Variants in WDR70 observed in about 807,000 individuals in gnomAD.
The protein encoded by WDR70 is WD repeat domain 70, also known as WD repeat-containing protein 70.
A neutral mutation model predicts 88.6 loss-of-function variants in WDR70; 53 were observed. The ratio of observed to expected loss-of-function variants is 0.60; its 90% CI spans 0.48 to 0.75. The LOEUF (loss-of-function observed/expected upper bound fraction) is 0.75. WDR70 is among the 30% of genes least tolerant of loss of function. The probability of loss-of-function intolerance (pLI) is 0.00; values close to 1 mark genes in which losing one functional copy is unlikely to be tolerated. For synonymous variants in WDR70, 280 were observed against 270.0 expected (o/e 1.04, Z -0.36); for missense variants, 610 against 823.2 (o/e 0.74, Z 3.17).
chr5:37,658,603 C>T (rs545996649), intron 10 of WDR70, among the ~76,000 whole-genome samples: 20 of 152,246 alleles, frequency 1.3e-4, no homozygotes, highest in Admixed American at 9.8e-4. Flanking sequence ...TTAGTCACTT[C>T]CTCCTCCCAA....
intron 9 of WDR70, among the ~76,000 whole-genome samples, chr5:37,557,370 T>C (rs1218992300): frequency 6.6e-6 from 1 of 152,136 alleles, no homozygotes; most frequent in Non-Finnish European, 1.5e-5. Flanking sequence ...TTGCCAAATA[T>C]GGACTATTTA....
At chr5:37,743,885 C>T (rs1304812750) in intron 17 of WDR70, among the ~76,000 whole-genome samples, 2 of 152,208 alleles carry the variant, frequency 1.3e-5, no homozygotes, top group African/African-American at 4.8e-5. Context: ...GTGGGTTTCC[C>T]CCCAGCAAAA....
chr5:37,646,461 G>C (rs1745242771), intron 10 of WDR70, among the ~76,000 whole-genome samples: 2 of 151,974 alleles, frequency 1.3e-5, no homozygotes, highest in South Asian at 4.1e-4. Flanking sequence ...AGATGATTTT[G>C]TACCTTTTGA....
chr5:37,404,519 T>C (rs1020440915), intron 5 of WDR70, among the ~76,000 whole-genome samples: 1 of 152,236 alleles, frequency 6.6e-6, no homozygotes. Context: ...GAAGCATTAG[T>C]GTTTAATTTC....
At chr5:37,620,345 T>C (rs1561925677) in intron 10 of WDR70, among the ~76,000 whole-genome samples, 1 of 152,234 alleles carries the variant, frequency 6.6e-6, no homozygotes, top group Non-Finnish European at 1.5e-5. Context: ...GCTGCATTGA[T>C]GCTCATGGGG....
At position 37,381,624 on chromosome 5, in the gene WDR70, C is replaced by T. The variant is rs1748427218; in HGVS notation, c.114C>T (p.Asp38=). 1 of 1,611,846 alleles carries T rather than the reference C, an allele frequency of 6.2e-7. No homozygotes were observed. ...TGFGKKARTF[D]LEAMFEQTRR... Reference sequence around the variant, plus strand: ...TAGGTAAAAAAGCTCGCACATTTGACTTGGAAGCAATGTTTGAACAAACTC... The same window carrying T: ...TAGGTAAAAAAGCTCGCACATTTGATTTGGAAGCAATGTTTGAACAAACTC... Residue 38 remains aspartate (D), a synonymous_variant, in exon 3 of 18, where the codon GAC becomes GAT. Coordinates refer to ENST00000265107, the MANE Select transcript of WDR70 (RefSeq NM_018034.4).
At chr5:37,435,661 A>C (rs985253419) in intron 5 of WDR70, among the ~76,000 whole-genome samples, 2 of 152,162 alleles carry the variant, frequency 1.3e-5, no homozygotes, top group African/African-American at 4.8e-5. Flanking sequence ...CTGGGATATA[A>C]TAATTTGGTC....
At chr5:37,588,006 A>T (rs950292820) in intron 9 of WDR70, among the ~76,000 whole-genome samples, 1 of 152,086 alleles carries the variant, frequency 6.6e-6, no homozygotes, top group Non-Finnish European at 1.5e-5. Context: ...TGTTCTATTC[A>T]TCCTGGTTTC....
At chr5:37,590,677 A>C (rs1170443664) in intron 9 of WDR70, among the ~76,000 whole-genome samples, 1 of 152,178 alleles carries the variant, frequency 6.6e-6, no homozygotes, top group East Asian at 1.9e-4. Flanking sequence ...CAGAGATCAG[A>C]GTGATGTGAT....
At chr5:37,677,532 T>C (rs1390499280) in intron 10 of WDR70, among the ~76,000 whole-genome samples, 1 of 152,212 alleles carries the variant, frequency 6.6e-6, no homozygotes, top group African/African-American at 2.4e-5. Context: ...AGTTTCCATG[T>C]AGTTGAGCGG....
At chr5:37,644,629 A>G (rs7723389) in intron 10 of WDR70, among the ~76,000 whole-genome samples, 16,074 of 151,882 alleles carry the variant, frequency 0.11, 2,727 homozygotes, top group African/African-American at 0.36. Context: ...TTGCTGGGAA[A>G]CTTTATTATG....
chr5:37,589,031 G>A (rs1209941933), intron 9 of WDR70, among the ~76,000 whole-genome samples: 1 of 151,940 alleles, frequency 6.6e-6, no homozygotes, highest in Non-Finnish European at 1.5e-5. Flanking sequence ...CCAAAGTGCT[G>A]GGATTACAGG....
chr5:37,616,622 T>G (rs1744352023), intron 10 of WDR70, among the ~76,000 whole-genome samples: 1 of 152,160 alleles, frequency 6.6e-6, no homozygotes, highest in African/African-American at 2.4e-5. Flanking sequence ...TGATGCTCTG[T>G]TATGGACTAG....
chr5:37,560,546 G>A (rs1381713737), intron 9 of WDR70, among the ~76,000 whole-genome samples: 2 of 152,022 alleles, frequency 1.3e-5, no homozygotes, highest in Non-Finnish European at 2.9e-5. Flanking sequence ...ACACTTTGCT[G>A]ACCAAACATA....
chr5:37,519,726 G>A (rs989595576), intron 9 of WDR70, among the ~76,000 whole-genome samples: 6 of 152,168 alleles, frequency 3.9e-5, no homozygotes, highest in African/African-American at 1.4e-4. Context: ...CAGATGGGGC[G>A]GCTGGGCAGA....
chr5:37,607,180 G>A (rs1268098424), intron 10 of WDR70, among the ~76,000 whole-genome samples: 1 of 151,518 alleles, frequency 6.6e-6, no homozygotes, highest in African/African-American at 2.4e-5. Context: ...TGGCCTCAGG[G>A]ATCCACCCAC....
intron 5 of WDR70, among the ~76,000 whole-genome samples, chr5:37,410,241 G>A (rs998376310): frequency 5.7e-5 from 7 of 122,858 alleles, no homozygotes; most frequent in Non-Finnish European, 9.9e-5. Flanking sequence ...GTCTTCCCAT[G>A]TTGCCAAGGC....
intron 10 of WDR70, among the ~76,000 whole-genome samples, chr5:37,668,702 T>C (rs1745934687): frequency 6.6e-6 from 1 of 152,192 alleles, no homozygotes; most frequent in Non-Finnish European, 1.5e-5. Flanking sequence ...TGGTTGAGCT[T>C]TCTCCCGCAG....
chr5:37,480,849 G>A (rs1488496428), intron 8 of WDR70, among the ~76,000 whole-genome samples: 1 of 152,172 alleles, frequency 6.6e-6, no homozygotes, highest in African/African-American at 2.4e-5. Context: ...TCTGAGACAA[G>A]GCAAGTCCCT....
Sources: gnomAD v4.1 joint callset for allele counts (sites outside exome capture counted in the v4.1 genomes callset) on GRCh38, gnomAD v4.1.1 for gene constraint, MANE v1.5 for transcripts, NCBI Gene and HGNC (gene_info 2026-07-23, HGNC 2026-07-21) for gene names.